The following AKAP19 variants were observed in gnomAD, a reference collection of about 807,000 sequenced individuals.
AKAP19 encodes A-kinase anchoring protein 19.
At chr2:190,037,817 A>T in the AKAP19 span, among the ~76,000 whole-genome samples, 1 of 152,222 alleles carries the variant, frequency 6.6e-6, no homozygotes. Context: ...ACGTTCTTTA[A>T]CTGATCTCAT....
the AKAP19 span, among the ~76,000 whole-genome samples, chr2:189,891,927 ATTCC>A: frequency 6.6e-6 from 1 of 151,676 alleles, no homozygotes; most frequent in African/African-American, 2.4e-5. Flanking sequence ...GGTTTTGTTC[ATTCC>A]TTTTCACTCT....
At chr2:190,034,810 C>T in the AKAP19 span, among the ~76,000 whole-genome samples, 1 of 125,882 alleles carries the variant, frequency 7.9e-6, no homozygotes, top group Non-Finnish European at 1.6e-5. Context: ...GCAGAGATTG[C>T]ACCACTGAAC....
the AKAP19 span, among the ~76,000 whole-genome samples, chr2:190,082,460 T>C: frequency 6.6e-6 from 1 of 152,238 alleles, no homozygotes; most frequent in African/African-American, 2.4e-5. Context: ...CTTCAGTTGA[T>C]ATAGTTAATA....
chr2:190,084,090 G>GTTTTTTT, the AKAP19 span, among the ~76,000 whole-genome samples: 3 of 132,090 alleles, frequency 2.3e-5, no homozygotes, highest in Admixed American at 1.6e-4. Context: ...TAGAGCTCAG[G>GTTTTTTT]TTTTTTTTTT....
At chr2:189,986,779 A>G in the AKAP19 span, among the ~76,000 whole-genome samples, 3 of 152,278 alleles carry the variant, frequency 2.0e-5, no homozygotes, top group East Asian at 5.8e-4. Context: ...ATGTATTATA[A>G]GAAATAGCAT....
chr2:190,039,359 G>A, the AKAP19 span, among the ~76,000 whole-genome samples: 15 of 152,086 alleles, frequency 9.9e-5, no homozygotes, highest in East Asian at 3.9e-4. Context: ...GATTACAGGC[G>A]TGAGCCACTG....
chr2:189,897,305 A>G, the AKAP19 span, among the ~76,000 whole-genome samples: 1 of 152,144 alleles, frequency 6.6e-6, no homozygotes, highest in Non-Finnish European at 1.5e-5. Context: ...GTTATATATA[A>G]TTTTTGGTAA....
chr2:190,041,116 A>G, the AKAP19 span, among the ~76,000 whole-genome samples: 1 of 152,174 alleles, frequency 6.6e-6, no homozygotes, highest in Non-Finnish European at 1.5e-5. Flanking sequence ...TTTTGGCAGT[A>G]TAGCTATTTT....
chr2:190,036,071 T>C, the AKAP19 span, among the ~76,000 whole-genome samples: 1 of 152,212 alleles, frequency 6.6e-6, no homozygotes, highest in African/African-American at 2.4e-5. Flanking sequence ...GAGAAAACTA[T>C]TCAAATTTTT....
At chr2:189,891,559 C>T in the AKAP19 span, among the ~76,000 whole-genome samples, 6 of 152,110 alleles carry the variant, frequency 3.9e-5, no homozygotes, top group South Asian at 6.2e-4. Flanking sequence ...AATATTGGCC[C>T]GCGCTCTCTT....
the AKAP19 span, among the ~76,000 whole-genome samples, chr2:189,928,796 A>G: frequency 3.3e-5 from 5 of 152,166 alleles, no homozygotes; most frequent in Admixed American, 6.5e-5. Flanking sequence ...AAAATGTTAG[A>G]GTCCAATATG....
At chr2:189,937,812 A>G in the AKAP19 span, among the ~76,000 whole-genome samples, 1 of 152,180 alleles carries the variant, frequency 6.6e-6, no homozygotes, top group East Asian at 1.9e-4. Flanking sequence ...TGTTGATGGG[A>G]ATGTAAATTA....
the AKAP19 span, among the ~76,000 whole-genome samples, chr2:190,179,494 C>T: frequency 6.6e-6 from 1 of 152,168 alleles, no homozygotes; most frequent in Non-Finnish European, 1.5e-5. This position sits in a 1 kb window ranked among gnomAD's most constrained non-coding sequence, Gnocchi z 6.0. Flanking sequence ...GATGTACCAA[C>T]TCCAATCCCA....
the AKAP19 span, among the ~76,000 whole-genome samples, chr2:190,052,321 A>G: frequency 6.6e-6 from 1 of 152,258 alleles, no homozygotes; most frequent in African/African-American, 2.4e-5. Context: ...GATTGCCTCA[A>G]TGACCACTCA....
the AKAP19 span, among the ~76,000 whole-genome samples, chr2:190,060,838 A>G: frequency 6.6e-6 from 1 of 152,038 alleles, no homozygotes; most frequent in African/African-American, 2.4e-5. Context: ...TGTACCAATC[A>G]GTCTGGAAGA....
the AKAP19 span, among the ~76,000 whole-genome samples, chr2:190,163,172 C>G: frequency 3.9e-4 from 59 of 152,188 alleles, no homozygotes; most frequent in African/African-American, 1.3e-3. Context: ...CGGTGGCTCA[C>G]GCCTGTAATC....
chr2:190,148,953 C>CT, the AKAP19 span, among the ~76,000 whole-genome samples: 273 of 134,004 alleles, frequency 2.0e-3, 6 homozygotes, highest in African/African-American at 7.4e-3. Flanking sequence ...TCTTTTCTTT[C>CT]TTTTTTTTTT....
chr2:190,049,021 C>T, the AKAP19 span, among the ~76,000 whole-genome samples: 1 of 151,572 alleles, frequency 6.6e-6, no homozygotes, highest in Non-Finnish European at 1.5e-5. Flanking sequence ...CTAAGTATTA[C>T]CAAAAAAACT....
At chr2:190,008,446 T>A in the AKAP19 span, among the ~76,000 whole-genome samples, 1 of 152,154 alleles carries the variant, frequency 6.6e-6, no homozygotes, top group African/African-American at 2.4e-5. Context: ...TATGGTGTTT[T>A]ACCAGTACAT....
Sources: allele counts gnomAD v4.1 joint callset (sites outside exome capture counted in the v4.1 genomes callset), GRCh38; gene constraint gnomAD v4.1.1; non-coding constraint Gnocchi (gnomAD v3.1); transcripts MANE v1.5; gene names NCBI Gene and HGNC (gene_info 2026-07-23, HGNC 2026-07-21).